NAALADL2: variants seen among roughly 807,000 people sequenced by gnomAD.
NAALADL2 encodes inactive N-acetylated-alpha-linked acidic dipeptidase-like protein 2.
A neutral mutation model predicts 87.2 loss-of-function variants in NAALADL2; 76 were observed. That is an observed-to-expected ratio of 0.87 (90% CI 0.72 to 1.05). NAALADL2 has a LOEUF of 1.05. Ranked by LOEUF, NAALADL2 falls within the 50% of genes least tolerant of loss-of-function variation. The pLI, the probability that NAALADL2 is intolerant of heterozygous loss-of-function variation, is 0.00. For synonymous variants in NAALADL2, 354 were observed against 331.0 expected (o/e 1.07, Z -0.75); for missense variants, 1,089 against 945.8 (o/e 1.15, Z -1.99).
Position 174,685,578 on chromosome 3 carries a change from C to T in NAALADL2, c.-114-52063C>T, listed in dbSNP as rs535027280. On this transcript the variant is annotated intron_variant, in intron 2 of 3. Transcript: ENST00000434257. ...AACACCTAATCTGAGGGTTTGGTGA[C>T]GATGTTATAACCTGGCTTTTGACTT... is the stretch of plus-strand genomic sequence containing the variant. Among the ~76,000 whole-genome samples the T allele has an allele frequency of 1.0e-3, 159 of 152,104 alleles. 1 individual carries two copies. Among genetic ancestry groups the T allele is most frequent in the Admixed American group, 9.8e-4 (15 of 15,250 alleles).
chr3:174,706,703 T>G (rs2108899815), intron 2 of NAALADL2, among the ~76,000 whole-genome samples: 1 of 152,346 alleles, frequency 6.6e-6, no homozygotes, highest in Non-Finnish European at 1.5e-5. Flanking sequence ...AGACATGAAG[T>G]CCTTGCCCAT....
intron 9 of NAALADL2, among the ~76,000 whole-genome samples, chr3:175,551,384 G>A (rs1714332238): frequency 6.6e-6 from 1 of 152,116 alleles, no homozygotes; most frequent in South Asian, 2.1e-4. Flanking sequence ...AATATCATCT[G>A]TCATCTCTTG....
intron 4 of NAALADL2, among the ~76,000 whole-genome samples, chr3:175,288,709 G>C (rs939380894): frequency 6.6e-6 from 1 of 152,068 alleles, no homozygotes. Flanking sequence ...CATGGGATGC[G>C]GTAGTTAAAT....
At chr3:175,792,843 T>C (rs908767942) in intron 13 of NAALADL2, among the ~76,000 whole-genome samples, 2 of 152,200 alleles carry the variant, frequency 1.3e-5, no homozygotes, top group Non-Finnish European at 2.9e-5. Context: ...TATAAGCTCA[T>C]CTTAAGACTG....
At chr3:174,534,224 G>A (rs1240465349) in intron 1 of NAALADL2, among the ~76,000 whole-genome samples, 1 of 152,002 alleles carries the variant, frequency 6.6e-6, no homozygotes, top group Non-Finnish European at 1.5e-5. Flanking sequence ...CTAGGACATT[G>A]TTTAATATCT....
intron 3 of NAALADL2, among the ~76,000 whole-genome samples, chr3:174,794,568 CTTAT>C (rs1717846160): frequency 6.6e-6 from 1 of 152,078 alleles, no homozygotes; most frequent in African/African-American, 2.4e-5. Context: ...ATATCTTTTT[CTTAT>C]TTAAGTTTTG....
chr3:174,808,816 TTGTG>T (rs1052736173), intron 3 of NAALADL2, among the ~76,000 whole-genome samples: 19 of 151,588 alleles, frequency 1.3e-4, no homozygotes, highest in Non-Finnish European at 2.4e-4. Flanking sequence ...GTGTGTGTGT[TTGTG>T]TGTGCACATG....
At chr3:174,642,222 C>T (rs1006836625) in intron 2 of NAALADL2, among the ~76,000 whole-genome samples, 10 of 151,752 alleles carry the variant, frequency 6.6e-5, no homozygotes, top group Non-Finnish European at 1.2e-4. Flanking sequence ...TGTTGTTTTC[C>T]GGGCACAGTG....
intron 1 of NAALADL2, among the ~76,000 whole-genome samples, chr3:175,094,733 T>TA (rs145643714): frequency 0.21 from 26,591 of 128,948 alleles, 3,041 homozygotes; most frequent in African/African-American, 0.36. Context: ...GACTAAATGT[T>TA]AAAAAAAAAG....
chr3:175,325,210 CT>C (rs1760556008), intron 5 of NAALADL2, among the ~76,000 whole-genome samples: 1 of 152,196 alleles, frequency 6.6e-6, no homozygotes. Context: ...TCAAATCCAG[CT>C]GCCTATTCTA....
intron 2 of NAALADL2, among the ~76,000 whole-genome samples, chr3:175,163,278 A>G (rs79385916): frequency 4.6e-3 from 697 of 152,214 alleles, no homozygotes; most frequent in Non-Finnish European, 7.7e-3. Flanking sequence ...CAGAATAATT[A>G]TGTCTGCTTT....
chr3:174,834,431 G>A (rs543226253), intron 3 of NAALADL2, among the ~76,000 whole-genome samples: 16 of 151,192 alleles, frequency 1.1e-4, no homozygotes, highest in East Asian at 3.9e-4. Flanking sequence ...TCTGTCTAAC[G>A]TTGTAATGGA....
Position 174,887,025 on chromosome 3 carries a change from A to T in NAALADL2, c.43+27575A>T, listed in dbSNP as rs1730243184. Among the ~76,000 whole-genome samples, 3 of 152,220 alleles carry T rather than the reference A, an allele frequency of 2.0e-5. No homozygotes were observed. In the South Asian group the frequency reaches 6.2e-4, roughly 32 times the overall value. On this transcript the variant is annotated intron_variant, in intron 1 of 13. Coordinates refer to ENST00000454872, the MANE Select transcript of NAALADL2 (RefSeq NM_207015.3). ...TTTCTACTCTAATAATCAAGCTATA[A>T]CTCTCTCTTCAATTAGTACCAAAAC...
intron 10 of NAALADL2, among the ~76,000 whole-genome samples, chr3:175,616,422 A>G (rs1725362328): frequency 6.6e-6 from 1 of 152,046 alleles, no homozygotes; most frequent in African/African-American, 2.4e-5. Flanking sequence ...GAATATAAAC[A>G]TTAGGTTTCT....
At chr3:174,618,781 T>G (rs968255090) in intron 2 of NAALADL2, among the ~76,000 whole-genome samples, 13 of 151,936 alleles carry the variant, frequency 8.6e-5, no homozygotes, top group African/African-American at 3.1e-4. Flanking sequence ...CCCAGCTACT[T>G]TAAGACTTAA....
chr3:175,345,701 A>C (rs1435615377), intron 5 of NAALADL2, among the ~76,000 whole-genome samples: 1 of 152,186 alleles, frequency 6.6e-6, no homozygotes, highest in Non-Finnish European at 1.5e-5. Flanking sequence ...GAGAAGTACC[A>C]GAGTGACATT....
intron 3 of NAALADL2, among the ~76,000 whole-genome samples, chr3:174,849,953 T>C (rs950820576): frequency 1.3e-5 from 2 of 152,106 alleles, no homozygotes; most frequent in Non-Finnish European, 2.9e-5. Flanking sequence ...TAAAGTGTTA[T>C]AGGATTTTAT....
At chr3:175,565,828 CCT>C in intron 9 of NAALADL2, among the ~76,000 whole-genome samples, 1 of 119,518 alleles carries the variant, frequency 8.4e-6, no homozygotes, top group African/African-American at 2.9e-5. Flanking sequence ...AAGCCCCCCC[CCT>C]TTTTTTTTTT....
chr3:174,959,018 GT>G (rs1390489076), intron 1 of NAALADL2, among the ~76,000 whole-genome samples: 2 of 152,058 alleles, frequency 1.3e-5, no homozygotes, highest in African/African-American at 4.8e-5. Context: ...TTCTATTGGT[GT>G]TTTGATGCTG....
Sources: allele counts gnomAD v4.1 joint callset (sites outside exome capture counted in the v4.1 genomes callset), GRCh38; gene constraint gnomAD v4.1.1; transcripts MANE v1.5; gene names NCBI Gene and HGNC (gene_info 2026-07-23, HGNC 2026-07-21).